TGFBR3: variants seen among roughly 807,000 people sequenced by gnomAD.
TGFBR3 encodes the protein transforming growth factor beta receptor 3, also known as transforming growth factor beta receptor type 3.
A neutral mutation model predicts 87.9 loss-of-function variants in TGFBR3; 46 were observed. The ratio of observed to expected loss-of-function variants is 0.52; its 90% CI spans 0.41 to 0.67. The LOEUF (loss-of-function observed/expected upper bound fraction) is 0.67. Among genes scored for constraint, TGFBR3 ranks in the 30% least tolerant of loss-of-function variants. TGFBR3 has a pLI of 0.00. For synonymous variants in TGFBR3, 381 were observed against 391.6 expected (o/e 0.97, Z 0.32); for missense variants, 866 against 1,041.9 (o/e 0.83, Z 2.32).
chr1:91,767,929 T>A (rs1365463819), intron 3 of TGFBR3, among the ~76,000 whole-genome samples: 1 of 151,314 alleles, frequency 6.6e-6, no homozygotes, highest in African/African-American at 2.4e-5. Flanking sequence ...TGACTTTGTG[T>A]TGGCCGGGTG....
In TGFBR3 at chr1:91,708,755, G is replaced by A. The variant is rs754026466; in HGVS notation, c.2195C>T (p.Ser732Leu). The change falls in exon 14 of 17, where the codon TCG becomes TTG. Residue 732 changes from serine (S) to leucine (L), a missense_variant. By Grantham distance (145) the Ser-to-Leu change is moderately radical. Coordinates refer to ENST00000212355, the MANE Select transcript of TGFBR3 (RefSeq NM_003243.5). ...KCVPPDEACT[S>L]LDASIIWAMM... ...GGCCCAGATTATCGAGGCGTCCAGC[G>A]AGGTGCAGGCTTCGTCAGGAGGCAC... 12 of 1,613,886 alleles carry A rather than the reference G, an allele frequency of 7.4e-6. No individual in the cohort carries two copies. The highest frequency in any genetic ancestry group is 2.7e-5 in the African/African-American group (2 of 74,886).
upstream of TGFBR3, among the ~76,000 whole-genome samples, chr1:91,888,363 G>C (rs1679379810): frequency 6.6e-6 from 1 of 152,158 alleles, no homozygotes; most frequent in South Asian, 2.1e-4. Flanking sequence ...TTAGTTTCAA[G>C]TACAGATGTG....
At chr1:91,710,275 C>G (rs1557669299) in intron 13 of TGFBR3, among the ~76,000 whole-genome samples, 1 of 152,156 alleles carries the variant, frequency 6.6e-6, no homozygotes, top group Non-Finnish European at 1.5e-5. Context: ...CTCTTACCCC[C>G]TCAAAAAGAG....
At chr1:91,887,037 T>A (rs187297420), upstream of TGFBR3, among the ~76,000 whole-genome samples, 1 of 152,164 alleles carries the variant, frequency 6.6e-6, no homozygotes, top group African/African-American at 2.4e-5. Flanking sequence ...AAAAGTATAC[T>A]TAAGTAACAG....
chr1:91,749,966 A>T (rs1045514162), intron 4 of TGFBR3, among the ~76,000 whole-genome samples: 1 of 152,212 alleles, frequency 6.6e-6, no homozygotes, highest in African/African-American at 2.4e-5. Context: ...GCATCTGATT[A>T]CCAGATTAGC....
chr1:91,706,825 C>A (rs1486691162), intron 14 of TGFBR3, among the ~76,000 whole-genome samples: 1 of 152,144 alleles, frequency 6.6e-6, no homozygotes, highest in Non-Finnish European at 1.5e-5. Flanking sequence ...CAAAATGGAG[C>A]CAGCTGCTGC....
intron 2 of TGFBR3, among the ~76,000 whole-genome samples, chr1:91,803,405 G>A (rs893539153): frequency 6.6e-6 from 1 of 152,188 alleles, no homozygotes; most frequent in Admixed American, 6.5e-5. Context: ...TGGTTGGAAT[G>A]TGGATGTAAC....
intron 4 of TGFBR3, among the ~76,000 whole-genome samples, chr1:91,745,557 C>T (rs888556910): frequency 6.6e-6 from 1 of 152,170 alleles, no homozygotes; most frequent in African/African-American, 2.4e-5. Context: ...GTATTTTGGA[C>T]ACACAAAGTC....
At chr1:91,807,337 A>T (rs1675870019) in intron 2 of TGFBR3, among the ~76,000 whole-genome samples, 2 of 152,218 alleles carry the variant, frequency 1.3e-5, no homozygotes, top group South Asian at 4.1e-4. Context: ...CTACAGCACA[A>T]CTCTTAGGCA....
intron 16 of TGFBR3, among the ~76,000 whole-genome samples, chr1:91,684,773 G>C (rs1013994041): frequency 6.6e-6 from 1 of 152,136 alleles, no homozygotes; most frequent in Non-Finnish European, 1.5e-5. Context: ...AGGGAAAAGC[G>C]ATCAGGGCTC....
At chr1:91,868,360 G>T (rs1031167306) in intron 1 of TGFBR3, among the ~76,000 whole-genome samples, 5 of 152,174 alleles carry the variant, frequency 3.3e-5, no homozygotes, top group African/African-American at 4.8e-5. Context: ...TATTATTTTT[G>T]AGATTAGACT....
chr1:91,905,930 A>G (rs1180571457), exon 1 of TGFBR3: 1 of 152,210 alleles, frequency 6.6e-6, no homozygotes, highest in African/African-American at 2.4e-5. Flanking sequence ...CTTCAGGCTC[A>G]TGCGGTTCTT....
intron 1 of TGFBR3, among the ~76,000 whole-genome samples, chr1:91,873,166 T>C (rs1678650644): frequency 6.6e-6 from 1 of 152,026 alleles, no homozygotes; most frequent in African/African-American, 2.4e-5. Flanking sequence ...AGATGGGGTC[T>C]CACTATGTTA....
At chr1:91,841,034 C>A (rs1328342515) in intron 2 of TGFBR3, among the ~76,000 whole-genome samples, 1 of 152,182 alleles carries the variant, frequency 6.6e-6, no homozygotes, top group Admixed American at 6.5e-5. Flanking sequence ...TGGTCTTGAA[C>A]TCCGGACCTC....
intron 13 of TGFBR3, among the ~76,000 whole-genome samples, chr1:91,709,271 G>A (rs918757946): frequency 6.6e-6 from 1 of 152,116 alleles, no homozygotes; most frequent in Non-Finnish European, 1.5e-5. Context: ...TACACCTAAA[G>A]TACCGAACAA....
chr1:91,762,889 G>C (rs2100907887), intron 3 of TGFBR3, among the ~76,000 whole-genome samples: 1 of 152,158 alleles, frequency 6.6e-6, no homozygotes, highest in Admixed American at 6.5e-5. Context: ...CCAAAGTCAA[G>C]GACAACTCTA....
chr1:91,734,689 G>T, intron 5 of TGFBR3, 87 bp downstream of exon 5: 1 of 1,518,774 alleles, frequency 6.6e-7, no homozygotes, highest in Non-Finnish European at 9.1e-7. Flanking sequence ...GTAATTCTGT[G>T]ATTCCTTGCC....
chr1:91,728,160 G>A (rs1308712764), intron 6 of TGFBR3, among the ~76,000 whole-genome samples: 3 of 151,994 alleles, frequency 2.0e-5, no homozygotes, highest in East Asian at 1.9e-4. Context: ...CACCTTCGAT[G>A]TACAGGATTC....
chr1:91,690,451 T>G (rs1281730946), intron 16 of TGFBR3, among the ~76,000 whole-genome samples: 9 of 152,026 alleles, frequency 5.9e-5, no homozygotes, highest in Non-Finnish European at 1.3e-4. Context: ...CTGGGCTTCT[T>G]TTGCTCAGCC....
Sources: allele counts gnomAD v4.1 joint callset (sites outside exome capture counted in the v4.1 genomes callset), GRCh38; gene constraint gnomAD v4.1.1; transcripts MANE v1.5; gene names NCBI Gene and HGNC (gene_info 2026-07-23, HGNC 2026-07-21).